Variants in TXLNG observed in about 807,000 individuals in gnomAD.
TXLNG encodes taxilin gamma, also known as gamma-taxilin.
Under a neutral mutation model 38.8 loss-of-function variants are expected in TXLNG, and 5 were observed. That is an observed-to-expected ratio of 0.13 (90% CI 0.07 to 0.27). The LOEUF (loss-of-function observed/expected upper bound fraction) is 0.27. TXLNG is among the 10% of genes least tolerant of loss of function. The pLI is 1.00. For missense variants in TXLNG, 393 were observed against 398.2 expected (o/e 0.99, Z 0.11); for synonymous variants, 182 against 158.2 (o/e 1.15, Z -1.13).
intron 5 of TXLNG, among the ~76,000 whole-genome samples, chrX:16,832,248 G>A (rs1929437824): frequency 8.9e-6 from 1 of 112,439 alleles, no homozygotes; most frequent in Non-Finnish European, 1.9e-5. Flanking sequence ...GGAACTGTGT[G>A]CATGATGTAT....
At chrX:16,788,293 C>T (rs186192451) in intron 1 of TXLNG, among the ~76,000 whole-genome samples, 1 of 112,103 alleles carries the variant, frequency 8.9e-6, no homozygotes, top group African/African-American at 3.2e-5. Context: ...TTTAAAATAA[C>T]CAAGATAGGA....
chrX:16,833,815 C>T, intron 6 of TXLNG, among the ~76,000 whole-genome samples: 1 of 111,312 alleles, frequency 9.0e-6, no homozygotes, highest in Non-Finnish European at 1.9e-5. Flanking sequence ...AAATGTCCAC[C>T]CCCTCCCCGC....
chrX:16,786,637 G>C (rs1241430524), intron 1 of TXLNG, 48 bp downstream of exon 1: 1 of 926,644 alleles, frequency 1.1e-6, no homozygotes, highest in East Asian at 4.2e-5. Context: ...GGGGATGTTT[G>C]GGCTCCCTTT....
chrX:16,839,726 G>C, intron 8 of TXLNG, 95 bp from the exon 9 acceptor site: 1 of 562,187 alleles, frequency 1.8e-6, no homozygotes, highest in Non-Finnish European at 2.9e-6. Flanking sequence ...CAGGGATGGG[G>C]GAGGGGAGGG....
chrX:16,786,751 G>T (rs1175516878), intron 1 of TXLNG, among the ~76,000 whole-genome samples, 162 bp downstream of exon 1: 4 of 109,040 alleles, frequency 3.7e-5, no homozygotes, highest in Non-Finnish European at 5.8e-5. Flanking sequence ...AGGTGGGGGG[G>T]GGTGGGACCG....
chrX:16,792,312 A>G (rs1377809588), intron 1 of TXLNG, among the ~76,000 whole-genome samples: 1 of 111,907 alleles, frequency 8.9e-6, no homozygotes, highest in Non-Finnish European at 1.9e-5. Flanking sequence ...ATAGTATGAC[A>G]GATGTCTTCT....
intron 9 of TXLNG, among the ~76,000 whole-genome samples, 180 bp from the exon 10 acceptor site, chrX:16,841,248 C>T (rs1288057103): frequency 1.8e-5 from 2 of 110,542 alleles, no homozygotes; most frequent in African/African-American, 3.3e-5. Context: ...AAACAATATG[C>T]TAAATCTCAT....
At chrX:16,796,424 G>T in intron 1 of TXLNG, among the ~76,000 whole-genome samples, 1 of 111,661 alleles carries the variant, frequency 9.0e-6, no homozygotes, top group East Asian at 2.8e-4. Context: ...CGTGGACATC[G>T]TACTTAAATT....
intron 1 of TXLNG, 112 bp downstream of exon 1, chrX:16,786,701 T>G: frequency 8.9e-6 from 2 of 225,784 alleles, no homozygotes; most frequent in Non-Finnish European, 1.3e-5. Context: ...GGGACGAACA[T>G]CCGGTCTTCT....
chrX:16,840,176 T>C (rs1233739980), intron 9 of TXLNG, among the ~76,000 whole-genome samples: 23 of 112,328 alleles, frequency 2.0e-4, no homozygotes. Flanking sequence ...GTGTCGGAGA[T>C]AGCATAAAAC....
At chrX:16,828,729 T>C (rs1315356435) in intron 4 of TXLNG, among the ~76,000 whole-genome samples, 1 of 112,279 alleles carries the variant, frequency 8.9e-6, no homozygotes, top group Non-Finnish European at 1.9e-5. Context: ...CTAAGTACTT[T>C]TAGGAAACCA....
At chrX:16,814,866 TTTAAG>T (rs1413300747) in intron 1 of TXLNG, among the ~76,000 whole-genome samples, 1 of 112,146 alleles carries the variant, frequency 8.9e-6, no homozygotes, top group African/African-American at 3.2e-5. Flanking sequence ...AACTGTACAC[TTTAAG>T]TTAGGGAATT....
chrX:16,790,727 A>T (rs1927672493), intron 1 of TXLNG, among the ~76,000 whole-genome samples: 1 of 112,202 alleles, frequency 8.9e-6, no homozygotes, highest in South Asian at 3.6e-4. Context: ...GCACATTTGC[A>T]CATACATTAA....
chrX:16,824,353 A>G (rs924193703), intron 3 of TXLNG, among the ~76,000 whole-genome samples: 1 of 112,186 alleles, frequency 8.9e-6, no homozygotes, highest in African/African-American at 3.2e-5. Context: ...CCAAAAAAAA[A>G]AAAAAGTTAT....
intron 6 of TXLNG, among the ~76,000 whole-genome samples, chrX:16,833,468 G>A (rs1339518177): frequency 8.9e-6 from 1 of 112,082 alleles, no homozygotes; most frequent in Non-Finnish European, 1.9e-5. Flanking sequence ...TTCAGTTCCT[G>A]AGTGGCCCTC....
chrX:16,832,824 G>C (rs1464999738), intron 6 of TXLNG, 82 bp downstream of exon 6: 3 of 1,100,802 alleles, frequency 2.7e-6, no homozygotes, highest in Non-Finnish European at 3.6e-6. Flanking sequence ...TGTAACCAAG[G>C]CCGTTTGAAA....
intron 1 of TXLNG, among the ~76,000 whole-genome samples, chrX:16,813,065 T>C (rs1186483226): frequency 9.0e-6 from 1 of 111,030 alleles, no homozygotes; most frequent in Non-Finnish European, 1.9e-5. Flanking sequence ...GTAAGGGACT[T>C]GTAGCTAGTT....
At chrX:16,797,049 C>G (rs978197879) in intron 1 of TXLNG, among the ~76,000 whole-genome samples, 4 of 110,963 alleles carry the variant, frequency 3.6e-5, no homozygotes, top group Non-Finnish European at 7.5e-5. Flanking sequence ...TTTGGGAGAC[C>G]GAGGTGGGTG....
chrX:16,787,997 CTT>C (rs1051771839), intron 1 of TXLNG, among the ~76,000 whole-genome samples: 1 of 111,858 alleles, frequency 8.9e-6, no homozygotes, highest in African/African-American at 3.3e-5. Flanking sequence ...ACCTCTCTTT[CTT>C]TCTCTCCCTC....
Sources: allele counts gnomAD v4.1 joint callset (sites outside exome capture counted in the v4.1 genomes callset), GRCh38; gene constraint gnomAD v4.1.1; transcripts MANE v1.5; gene names NCBI Gene and HGNC (gene_info 2026-07-23, HGNC 2026-07-21).